Variants in STUM observed in about 807,000 individuals in gnomAD.
STUM encodes the protein protein stum homolog.
STUM carries 8 observed loss-of-function variants against 15.3 expected under a neutral mutation model. The observed-to-expected ratio is 0.52, with a 90% CI of 0.31 to 0.94. The LOEUF is 0.94. STUM is among the 40% of genes least tolerant of loss of function. The pLI, the probability that STUM is intolerant of heterozygous loss-of-function variation, is 0.05. For synonymous variants in STUM, 78 were observed against 88.7 expected, an observed-to-expected ratio of 0.88 and a Z score of 0.68; for missense variants, 142 against 204.9, an observed-to-expected ratio of 0.69 and a Z score of 1.87.
intron 1 of STUM, among the ~76,000 whole-genome samples, chr1:226,577,808 G>C (rs533671497): frequency 3.8e-5 from 5 of 130,408 alleles, no homozygotes; most frequent in Admixed American, 7.3e-5. Context: ...GTTGTTCTGT[G>C]GGGGGGATGG....
chr1:226,599,691 T>C (rs1668236081), intron 2 of STUM, among the ~76,000 whole-genome samples: 1 of 152,258 alleles, frequency 6.6e-6, no homozygotes, highest in African/African-American at 2.4e-5. Flanking sequence ...GTTGCAAGCA[T>C]GTTGCTTGAT....
chr1:226,555,277 C>T (rs985047216), intron 1 of STUM, among the ~76,000 whole-genome samples: 3 of 152,194 alleles, frequency 2.0e-5, no homozygotes, highest in Non-Finnish European at 2.9e-5. Context: ...GATGATGACT[C>T]CCCAGTTTAG....
At chr1:226,589,832 C>T (rs1431730768) in intron 1 of STUM, among the ~76,000 whole-genome samples, 1 of 152,122 alleles carries the variant, frequency 6.6e-6, no homozygotes, top group Non-Finnish European at 1.5e-5. Context: ...GAGTGAAAGG[C>T]CAGAATCATG....
rs563902383 is a variant in STUM at position 226,596,900 on chromosome 1, C to T, written c.301C>T (p.Leu101Phe). 1 of 1,614,252 alleles carries T rather than the reference C, an allele frequency of 6.2e-7. No homozygotes were observed. The highest frequency in any genetic ancestry group is 8.5e-7 in the Non-Finnish European group (1 of 1,180,042). Residue 101 changes from leucine (L) to phenylalanine (F), a missense_variant, in exon 2 of 4, where the codon CTC (leucine) becomes TTC (phenylalanine). Leu to Phe is a conservative substitution (Grantham distance 22, BLOSUM62 0). Transcript: ENST00000366788. Reference sequence around the variant, plus strand: ...CTTCTGGCTGAACATTGCAGCAGCCCTCATCCAAATCCTCACTGCCATCGT... The same window carrying T: ...CTTCTGGCTGAACATTGCAGCAGCCTTCATCCAAATCCTCACTGCCATCGT... ...CVFWLNIAAA[L>F]IQILTAIVMV...
intron 1 of STUM, among the ~76,000 whole-genome samples, chr1:226,575,614 G>A (rs1469060018): frequency 2.0e-5 from 3 of 152,266 alleles, no homozygotes; most frequent in Non-Finnish European, 4.4e-5. Context: ...CAAAGGCCCA[G>A]GCCAGGGCAA....
chr1:226,573,920 C>T (rs1341780024), intron 1 of STUM, among the ~76,000 whole-genome samples: 1 of 151,848 alleles, frequency 6.6e-6, no homozygotes, highest in African/African-American at 2.4e-5. Context: ...CTGCAACCTC[C>T]ACCTCCTGGG....
At chr1:226,575,674 C>CATTTCTGGGAGGACAAAAATA (rs1667797118) in intron 1 of STUM, among the ~76,000 whole-genome samples, 1 of 152,238 alleles carries the variant, frequency 6.6e-6, no homozygotes, top group South Asian at 2.1e-4. Flanking sequence ...CCCAAAGTGC[C>CATTTCTGGGAGGACAAAAATA]ATTTCTGGGA....
chr1:226,565,958 C>T lies in STUM; in HGVS notation c.202+16852C>T, dbSNP rs148536528. On this transcript the variant is annotated intron_variant, in intron 1 of 3. Coordinates refer to ENST00000366788, the MANE Select transcript of STUM (RefSeq NM_001003665.4). This position sits in a 1 kb window ranked among gnomAD's most constrained non-coding sequence, Gnocchi z 4.4. ...GGCTTACCAGCGATTCCTCCTTACT[C>T]TTTCTGTGATAAACAGAAGATATTG... 6.6e-6 allele frequency among the ~76,000 whole-genome samples: 1 copy of T among 152,356 alleles called. No homozygotes were observed. The highest frequency in any genetic ancestry group is 2.4e-5 in the African/African-American group (1 of 41,586).
intron 1 of STUM, among the ~76,000 whole-genome samples, chr1:226,581,050 G>A (rs1191999525): frequency 1.3e-5 from 2 of 152,208 alleles, no homozygotes; most frequent in African/African-American, 2.4e-5. Context: ...TTGGGTTACC[G>A]CCATGTCTTC....
intron 1 of STUM, among the ~76,000 whole-genome samples, chr1:226,550,965 T>C (rs914358685): frequency 7.9e-5 from 12 of 151,914 alleles, no homozygotes; most frequent in Admixed American, 7.2e-4. Flanking sequence ...AAACAAACCA[T>C]TATAAGAAAC....
In STUM at chr1:226,603,976, C is replaced by G. The variant is rs955670955; in HGVS notation, c.*1936C>G. ...CCTCCAGGCTGGTGCTGGCTGCTCT[C>G]GAGGAAGCTGCGTCAGAGTGGAGCT... On this transcript the variant is annotated 3_prime_UTR_variant, in exon 4 of 4. Coordinates refer to ENST00000366788, the MANE Select transcript of STUM (RefSeq NM_001003665.4). 6.6e-6 allele frequency: 1 copy of G among 152,294 alleles called. No individual in the cohort carries two copies. The allele number at this position is 152,294 out of a possible 1,614,324, so 9.4% of individuals were successfully genotyped here. A position where few individuals can be genotyped will look rare whatever the true frequency, so the allele number is the denominator to read the frequency against.
chr1:226,557,049 C>T (rs1667457892), intron 1 of STUM, among the ~76,000 whole-genome samples: 1 of 152,164 alleles, frequency 6.6e-6, no homozygotes, highest in Admixed American at 6.5e-5. Flanking sequence ...ACTATATTTA[C>T]CACACTGTGC....
At chr1:226,587,332 C>G (rs892288631) in intron 1 of STUM, among the ~76,000 whole-genome samples, 1 of 152,122 alleles carries the variant, frequency 6.6e-6, no homozygotes, top group Non-Finnish European at 1.5e-5. Context: ...TTCCTTCTGT[C>G]CTCGGAAGGA....
At position 226,549,905 on chromosome 1, in the gene STUM, T is replaced by C. The variant is rs1031708439; in HGVS notation, c.202+799T>C. Among the ~76,000 whole-genome samples the C allele has an allele frequency of 1.3e-5, 2 of 152,156 alleles. No individual in the cohort carries two copies. Among genetic ancestry groups the C allele is most frequent in the African/African-American group, 2.4e-5 (1 of 41,450 alleles). On this transcript the variant is annotated intron_variant, in intron 1 of 3. Transcript: ENST00000366788. This position sits in a 1 kb window ranked among gnomAD's most constrained non-coding sequence, Gnocchi z 6.8. The stretch of plus-strand genomic sequence containing the variant: ...TTAAAGCAGAGGCCCCTTACAGAGA[T>C]GGTGCAGGAGGGTGAATGGAGGCAG...
chr1:226,556,747 A>G (rs1313340001), intron 1 of STUM, among the ~76,000 whole-genome samples: 1 of 152,188 alleles, frequency 6.6e-6, no homozygotes, highest in African/African-American at 2.4e-5. Flanking sequence ...TGGGCATCTG[A>G]CAAAGTCATG....
In STUM at chr1:226,587,946, A is replaced by G. The variant is rs189634273; in HGVS notation, c.203-8856A>G. On this transcript the variant is annotated intron_variant, in intron 1 of 3. Coordinates refer to ENST00000366788, the MANE Select transcript of STUM (RefSeq NM_001003665.4). ...AAATGCTGGCAAGTTCGGCTTTCCA[A>G]TGGGCAGTGTGACCTCACTATGGTG... Among the ~76,000 whole-genome samples, 87 of 152,258 alleles carry G rather than the reference A, an allele frequency of 5.7e-4. 2 individuals carry two copies. The East Asian group carries it at 0.013, about 22-fold the overall frequency.
In STUM at chr1:226,600,867, C is replaced by A. The variant is rs1571815542; in HGVS notation, c.391+193C>A. On this transcript the variant is annotated intron_variant, in intron 3 of 3. Coordinates refer to ENST00000366788, the MANE Select transcript of STUM (RefSeq NM_001003665.4). The surrounding 1 kb of genome is among the most constrained non-coding windows in gnomAD (Gnocchi z 5.2). ...AAGTAGAGCCCCTAGTAAAATGAGG[C>A]CCTAATGCCCACACCAGCCTCAACT... Among the ~76,000 whole-genome samples the A allele has an allele frequency of 6.6e-6, 1 of 152,168 alleles. No individual in the cohort carries two copies. The highest frequency in any genetic ancestry group is 2.4e-5 in the African/African-American group (1 of 41,424).
intron 1 of STUM, among the ~76,000 whole-genome samples, chr1:226,573,123 C>T (rs1208790470): frequency 1.3e-5 from 2 of 152,194 alleles, no homozygotes; most frequent in Admixed American, 6.5e-5. Flanking sequence ...TACCTGGGCA[C>T]CTGGATCCCT....
chr1:226,549,891 G>A lies in STUM; in HGVS notation c.202+785G>A, dbSNP rs540159861. Among the ~76,000 whole-genome samples, 15 of 152,310 alleles carry A rather than the reference G, an allele frequency of 9.8e-5. No homozygotes were observed. The highest frequency in any genetic ancestry group is 3.6e-4 in the African/African-American group (15 of 41,570). On this transcript the variant is annotated intron_variant, in intron 1 of 3. Transcript: ENST00000366788. The surrounding 1 kb of genome is among the most constrained non-coding windows in gnomAD (Gnocchi z 6.8). ...CTATGTCCCACGTTTTAAAGCAGAGGCCCCTTACAGAGATGGTGCAGGAGG... is the reference window on the plus strand; with the variant it reads ...CTATGTCCCACGTTTTAAAGCAGAGACCCCTTACAGAGATGGTGCAGGAGG...
Sources: gnomAD v4.1 joint callset for allele counts (sites outside exome capture counted in the v4.1 genomes callset) on GRCh38, gnomAD v4.1.1 for gene constraint, Gnocchi (gnomAD v3.1) non-coding constraint, MANE v1.5 for transcripts, NCBI Gene and HGNC (gene_info 2026-07-23, HGNC 2026-07-21) for gene names.